Variants in SHANK1 observed in about 807,000 individuals in gnomAD.
SHANK1 encodes SH3 and multiple ankyrin repeat domains 1, also known as SH3 and multiple ankyrin repeat domains protein 1.
In SHANK1, 35 loss-of-function variants were observed where a neutral mutation model predicts 165.6. The observed-to-expected ratio is 0.21, with a 90% CI of 0.16 to 0.28. The LOEUF (loss-of-function observed/expected upper bound fraction) is 0.28, where lower values mean the gene tolerates loss of function less well. Ranked by LOEUF, SHANK1 falls within the 10% of genes least tolerant of loss-of-function variation. The pLI is 1.00. For synonymous variants in SHANK1, 1,428 were observed against 1,384.8 expected (o/e 1.03, Z -0.69); for missense variants, 2,681 against 3,036.4 (o/e 0.88, Z 2.75).
chr19:50,688,807 C>T lies in SHANK1; in HGVS notation c.2172+37G>A. 1 of 1,589,788 alleles carries T rather than the reference C, an allele frequency of 6.3e-7. No individual in the cohort carries two copies. The highest frequency in any genetic ancestry group is 8.6e-7 in the Non-Finnish European group (1 of 1,166,306). ...ATCATGAGGGGGTCTGGGAACTTGT[C>T]ACAGGGTCCCAGGGAAGAGAGGGGG... On this transcript the variant is annotated intron_variant, in intron 17 of 23. Transcript: ENST00000293441. The surrounding 1 kb of genome is among the most constrained non-coding windows in gnomAD (Gnocchi z 6.7).
intron 15 of SHANK1, among the ~76,000 whole-genome samples, chr19:50,692,102 G>C (rs1298203844): frequency 2.0e-5 from 3 of 152,026 alleles, no homozygotes; most frequent in African/African-American, 7.3e-5. Context: ...GGTAACTGCA[G>C]TGGTAATACC....
intron 8 of SHANK1, among the ~76,000 whole-genome samples, chr19:50,706,326 C>T (rs1482556770): frequency 2.0e-5 from 3 of 152,168 alleles, no homozygotes; most frequent in African/African-American, 7.2e-5. Context: ...GGGGGCAGGA[C>T]TGGGCCAGTG....
intron 8 of SHANK1, among the ~76,000 whole-genome samples, chr19:50,706,297 A>C (rs906748141): frequency 1.3e-5 from 2 of 152,146 alleles, no homozygotes; most frequent in African/African-American, 4.8e-5. Flanking sequence ...AAGGGGACAC[A>C]CATTGTGGAG....
rs1568446829 is a variant in SHANK1 at position 50,716,239 on chromosome 19, C to T, written c.459+36G>A. The T allele has an allele frequency of 1.9e-6, 3 of 1,599,822 alleles. No homozygotes were observed. In the Admixed American group the frequency reaches 5.0e-5, roughly 27 times the overall value. On this transcript the variant is annotated intron_variant, in intron 3 of 23. Transcript: ENST00000293441. The surrounding 1 kb of genome is among the most constrained non-coding windows in gnomAD (Gnocchi z 8.4). ...GGGGCAGATGTGTTTTAGGGCATGC[C>T]TTCTCTTATCAGTGAAGGAGTTGGG... is the stretch of plus-strand genomic sequence containing the variant.
intron 21 of SHANK1, among the ~76,000 whole-genome samples, chr19:50,681,550 C>T (rs780810766): frequency 1.7e-4 from 26 of 152,208 alleles, no homozygotes; most frequent in Non-Finnish European, 3.5e-4. Flanking sequence ...TAACTGGGTT[C>T]GTGCAGGGTA....
chr19:50,686,305 C>T lies in SHANK1; in HGVS notation c.2509G>A (p.Glu837Lys), dbSNP rs767525028. ...AAAQQTISAS[E>K]SPGPGGLASL... The stretch of plus-strand genomic sequence containing the variant: ...GCGAGGCCACCGGGACCAGGGCTTT[C>T]GCTTGCACTGATGGTCTGTTGAGCT... Residue 837 changes from glutamate to lysine, a missense_variant, in exon 21 of 24, where the codon GAA becomes AAA. Coordinates refer to ENST00000293441, the MANE Select transcript of SHANK1 (RefSeq NM_016148.5). This position sits in a 1 kb window ranked among gnomAD's most constrained non-coding sequence, Gnocchi z 5.7. 1.2e-6 allele frequency: 2 copies of T among 1,608,510 alleles called. No homozygotes were observed. The highest frequency in any genetic ancestry group is 1.7e-5 in the Admixed American group (1 of 59,414).
Position 50,711,504 on chromosome 19 carries a change from G to T in SHANK1, c.961-17C>A. ...CTGGCAGGCCTGGGCAGGACAGGGA[G>T]CGAGGGGCATGGATCAGACCCAGGC... On this transcript the variant is annotated splice_polypyrimidine_tract_variant and intron_variant, in intron 7 of 23. Transcript: ENST00000293441. 6.4e-7 allele frequency: 1 copy of T among 1,550,396 alleles called. No homozygotes were observed. Among genetic ancestry groups the T allele is most frequent in the South Asian group, 1.2e-5 (1 of 84,766 alleles).
In SHANK1 at chr19:50,666,298, C is replaced by T. The variant is rs1486284081; in HGVS notation, c.5662G>A (p.Gly1888Ser). The T allele has an allele frequency of 2.5e-6, 4 of 1,612,690 alleles. No individual in the cohort carries two copies. Among genetic ancestry groups the T allele is most frequent in the Non-Finnish European group, 3.4e-6 (4 of 1,179,604 alleles). Residue 1888 changes from glycine (G) to serine (S), a missense_variant, in exon 23 of 24, where the codon GGC becomes AGC. By Grantham distance (56) the Gly-to-Ser change is moderately conservative. This residue lies in a region of SHANK1 where 1,713 missense variants were observed against 1,630.2 expected (regional missense o/e 1.05). Transcript: ENST00000293441. ...LQQFGGSSAA[G>S]GALPWARGGS... Reference sequence around the variant, plus strand: ...CCTCGGGCCCAGGGCAGAGCGCCGCCAGCTGCCGAGGAGCCCCCAAACTGC... The same window carrying T: ...CCTCGGGCCCAGGGCAGAGCGCCGCTAGCTGCCGAGGAGCCCCCAAACTGC...
In SHANK1 at chr19:50,666,967, G is replaced by A. The variant is rs1366961352; in HGVS notation, c.4993C>T (p.Pro1665Ser). The stretch of plus-strand genomic sequence containing the variant: ...GAATCCGTGCCAGGCGGAGGGTCCG[G>A]GCCAGGCTGTGGGGCAGCGGGAGCC... ...APAPAAPQPG[P>S]DPPPGTDSGI... Residue 1665 changes from proline to serine, a missense_variant, in exon 23 of 24, where the codon CCG becomes TCG. Coordinates refer to ENST00000293441, the MANE Select transcript of SHANK1 (RefSeq NM_016148.5). 1 of 1,589,426 alleles carries A rather than the reference G, an allele frequency of 6.3e-7. No individual in the cohort carries two copies. The highest frequency in any genetic ancestry group is 8.6e-7 in the Non-Finnish European group (1 of 1,166,916).
intron 21 of SHANK1, among the ~76,000 whole-genome samples, chr19:50,685,314 G>A (rs931222422): frequency 2.6e-5 from 4 of 152,220 alleles, no homozygotes; most frequent in Admixed American, 2.6e-4. Context: ...TCAGAGGGCT[G>A]CCTGCCTGGG....
chr19:50,707,878 TTTCTTTTCTTTTCTTTTCTTTTC>T (rs2088958772), intron 8 of SHANK1, among the ~76,000 whole-genome samples: 1 of 2,224 alleles, frequency 4.5e-4, no homozygotes, highest in Non-Finnish European at 8.2e-4. Flanking sequence ...TTTGCGTGTT[TTTCTTTTCTTTTCTTTTCTTTTC>T]TTTTCTTTTC....
chr19:50,666,384 T>C lies in SHANK1; in HGVS notation c.5576A>G (p.Gln1859Arg). The C allele has an allele frequency of 6.2e-7, 1 of 1,613,494 alleles. No homozygotes were observed. The change falls in exon 23 of 24, where the codon CAG becomes CGG. Residue 1859 changes from glutamine (Q) to arginine (R), a missense_variant. By Grantham distance (43) the Gln-to-Arg change is conservative. This residue lies in a region of SHANK1 where 1,713 missense variants were observed against 1,630.2 expected (regional missense o/e 1.05). Transcript: ENST00000293441. Reference sequence around the variant, plus strand: ...TTTTACTGTGGCCAAGGCTGAGGCCTGAGGCTGGGCCAAGGGCCCGGGCAG... The same window carrying C: ...TTTTACTGTGGCCAAGGCTGAGGCCCGAGGCTGGGCCAAGGGCCCGGGCAG... ...PPLPGPLAQP[Q>R]ASALATVKAS...
rs1340381784 is a variant in SHANK1, at chr19:50,659,832, C to G, written c.*2133G>C. ...GGCACCCATCCAGAATGAACGAGCCCTTGATAGACGGGCGCCGCGCAGGCC... is the reference window on the plus strand; with the variant it reads ...GGCACCCATCCAGAATGAACGAGCCGTTGATAGACGGGCGCCGCGCAGGCC... On this transcript the variant is annotated 3_prime_UTR_variant, in exon 24 of 24. Transcript: ENST00000293441. Among the ~76,000 whole-genome samples, 1 of 147,314 alleles carries G rather than the reference C, an allele frequency of 6.8e-6. No individual in the cohort carries two copies. Among genetic ancestry groups the G allele is most frequent in the Non-Finnish European group, 1.5e-5 (1 of 66,452 alleles).
In SHANK1 at chr19:50,697,184, A is replaced by G; in HGVS notation, c.1938-62T>C. On this transcript the variant is annotated intron_variant, in intron 14 of 23. Transcript: ENST00000293441. The surrounding 1 kb of genome is among the most constrained non-coding windows in gnomAD (Gnocchi z 4.7). ...AAGGTGTCAGTGCACCCATCTCCTC[A>G]CCCCAATCCCACCCAGCCCTGACTG... 1.2e-6 allele frequency: 2 copies of G among 1,612,000 alleles called. No homozygotes were observed.
intron 15 of SHANK1, among the ~76,000 whole-genome samples, chr19:50,692,561 C>T (rs1363307751): frequency 6.6e-6 from 1 of 151,238 alleles, no homozygotes; most frequent in Non-Finnish European, 1.5e-5. Context: ...TTCTCAACCA[C>T]CCCCTATCCT....
At chr19:50,687,831 G>A (rs1986406492) in intron 18 of SHANK1, 92 bp downstream of exon 18, 1 of 1,528,706 alleles carries the variant, frequency 6.5e-7, no homozygotes, top group Non-Finnish European at 8.9e-7. Flanking sequence ...CTAGGGAAGG[G>A]AAGGCCTTGG....
chr19:50,679,736 G>A (rs147340423), intron 21 of SHANK1, among the ~76,000 whole-genome samples: 314 of 152,244 alleles, frequency 2.1e-3, no homozygotes, highest in African/African-American at 6.8e-3. Context: ...GAGAATGGAC[G>A]GGGAGACAAC....
rs1265805967 is a variant in SHANK1 at position 50,666,678 on chromosome 19, G to A, written c.5282C>T (p.Ala1761Val). ...LMTPSKLRGR[A>V]LGASGGLRPG... ...CCGCAGGCCTCCGCTGGCTCCTAGC[G>A]CCCGGCCCCGGAGCTTAGAGGGAGT... is the stretch of plus-strand genomic sequence containing the variant. Residue 1761 changes from alanine to valine, a missense_variant, in exon 23 of 24, where the codon GCG (alanine) becomes GTG (valine). Physicochemically the swap from Ala to Val is moderately conservative, Grantham distance 64 (BLOSUM62 0). Around this residue, in one of 10 missense-constraint regions of SHANK1, gnomAD observed 1,713 missense variants for 1,630.2 expected, o/e 1.05. Transcript: ENST00000293441. The A allele has an allele frequency of 1.9e-6, 3 of 1,585,548 alleles. No homozygotes were observed. Among genetic ancestry groups the A allele is most frequent in the Admixed American group, 1.8e-5 (1 of 55,720 alleles).
intron 15 of SHANK1, 168 bp from the exon 16 acceptor site, chr19:50,689,447 C>T: frequency 1.4e-6 from 1 of 709,652 alleles, no homozygotes; most frequent in East Asian, 2.7e-5. Context: ...GTATGCTAGC[C>T]CTGATGGGCT....
Sources: gnomAD v4.1 joint callset for allele counts (sites outside exome capture counted in the v4.1 genomes callset) on GRCh38, gnomAD v4.1.1 for gene constraint, gnomAD v4.1.1 regional missense constraint, Gnocchi (gnomAD v3.1) non-coding constraint, MANE v1.5 for transcripts, NCBI Gene and HGNC (gene_info 2026-07-23, HGNC 2026-07-21) for gene names.